The following SLC47A1 variants were observed in gnomAD, a reference collection of about 807,000 sequenced individuals.
SLC47A1 encodes the protein solute carrier family 47 member 1.
In SLC47A1, 58 loss-of-function variants were observed where a neutral mutation model predicts 65.8. That is an observed-to-expected ratio of 0.88 (90% confidence interval 0.71 to 1.10). The LOEUF (loss-of-function observed/expected upper bound fraction) is 1.10. Ranked by LOEUF, SLC47A1 falls within the 50% of genes least tolerant of loss-of-function variation. The pLI is 0.00. For missense variants in SLC47A1, 706 were observed against 719.2 expected, an observed-to-expected ratio of 0.98 and a Z score of 0.21; for synonymous variants, 285 against 295.0, an observed-to-expected ratio of 0.97 and a Z score of 0.35.
intron 15 of SLC47A1, 43 bp downstream of exon 15, chr17:19,571,615 A>G: frequency 6.8e-7 from 1 of 1,480,746 alleles, no homozygotes. Context: ...CCTCTCCTAG[A>G]AAAACAGGAT....
chr17:19,577,701 T>C lies in SLC47A1; in HGVS notation c.*148T>C. On this transcript the variant is annotated 3_prime_UTR_variant, in exon 17 of 17. Coordinates refer to ENST00000270570, the MANE Select transcript of SLC47A1 (RefSeq NM_018242.3). ...GGAAATGCAAAGACACATTTTTCTA[T>C]AAAAAGAAAAAGCAACTAAGGTTAA... 6.9e-7 allele frequency: 1 copy of C among 1,446,356 alleles called. No homozygotes were observed. Among genetic ancestry groups the C allele is most frequent in the Non-Finnish European group, 9.0e-7 (1 of 1,107,220 alleles). 89.6% of individuals were successfully genotyped at this position (1,446,356 alleles called of 1,614,324 possible).
At position 19,578,101 on chromosome 17, in the gene SLC47A1, A is replaced by T; in HGVS notation, c.*548A>T. On this transcript the variant is annotated 3_prime_UTR_variant, in exon 17 of 17. Transcript: ENST00000270570. ...GGGCTTCAAGCAATCCTCCTGTGTC[A>T]GCCACCAGAGTAGCTGAGACTACAG... 1 of 614,836 alleles carries T rather than the reference A, an allele frequency of 1.6e-6. No homozygotes were observed. Among genetic ancestry groups the T allele is most frequent in the South Asian group, 1.5e-5 (1 of 67,282 alleles). The allele number at this position is 614,836 out of a possible 1,614,324, so 38.1% of individuals were successfully genotyped here.
At chr17:19,575,799 C>G (rs1402399353) in intron 16 of SLC47A1, among the ~76,000 whole-genome samples, 2 of 152,100 alleles carry the variant, frequency 1.3e-5, no homozygotes, top group African/African-American at 4.8e-5. Context: ...TCCCCTTGCC[C>G]TCCGATGGTT....
At chr17:19,548,189 C>T in intron 4 of SLC47A1, 56 bp downstream of exon 4, 2 of 1,575,796 alleles carry the variant, frequency 1.3e-6, no homozygotes, top group Non-Finnish European at 1.7e-6. Context: ...AAAGATTATC[C>T]TGTCTGGGTG....
intron 5 of SLC47A1, among the ~76,000 whole-genome samples, chr17:19,550,482 A>G (rs1406183883): frequency 6.6e-6 from 1 of 151,984 alleles, no homozygotes; most frequent in Non-Finnish European, 1.5e-5. Flanking sequence ...CGCCCAGCTA[A>G]TTTTTGTATT....
intron 10 of SLC47A1, among the ~76,000 whole-genome samples, chr17:19,559,137 G>T (rs935583471): frequency 3.3e-5 from 5 of 152,204 alleles, no homozygotes; most frequent in Non-Finnish European, 7.3e-5. Flanking sequence ...AGCCCAATGA[G>T]ATAGGTTCTA....
rs1365055342 is a variant in SLC47A1 at position 19,577,311 on chromosome 17, TC to T, written c.1487-14del. The stretch of plus-strand genomic sequence containing the variant: ...AAAAATCCCTTTTAAGCTGCTAAGT[TC>T]CTTTTTCCTCCCAGGGTGCCCTGAA... On this transcript the variant is annotated splice_polypyrimidine_tract_variant and intron_variant, in intron 16 of 16. Coordinates refer to ENST00000270570, the MANE Select transcript of SLC47A1 (RefSeq NM_018242.3). The T allele has an allele frequency of 6.2e-7, 1 of 1,612,582 alleles. No individual in the cohort carries two copies. The highest frequency in any genetic ancestry group is 1.7e-5 in the Admixed American group (1 of 59,786).
chr17:19,566,031 C>T (rs966665502), intron 12 of SLC47A1, among the ~76,000 whole-genome samples: 1 of 152,138 alleles, frequency 6.6e-6, no homozygotes, highest in African/African-American at 2.4e-5. Flanking sequence ...GTGTGCTTTC[C>T]ACCCGCTAGT....
At chr17:19,543,131 A>G (rs957134098) in intron 2 of SLC47A1, among the ~76,000 whole-genome samples, 3 of 135,152 alleles carry the variant, frequency 2.2e-5, no homozygotes, top group African/African-American at 5.6e-5. Flanking sequence ...TTTTTTTCAG[A>G]CGGAGTCTTG....
chr17:19,546,580 A>G, intron 3 of SLC47A1, 77 bp downstream of exon 3: 1 of 1,420,928 alleles, frequency 7.0e-7, no homozygotes, highest in Non-Finnish European at 9.8e-7. Context: ...CTCCACTGGC[A>G]GGAAGAGTTC....
rs562942627 is a variant in SLC47A1, at chr17:19,542,385, C to T, written c.136-8C>T. 1 of 1,595,818 alleles carries T rather than the reference C, an allele frequency of 6.3e-7. No individual in the cohort carries two copies. The highest frequency in any genetic ancestry group is 8.5e-7 in the Non-Finnish European group (1 of 1,170,628). On this transcript the variant is annotated splice_polypyrimidine_tract_variant and splice_region_variant and intron_variant, in intron 1 of 16. Transcript: ENST00000270570. The stretch of plus-strand genomic sequence containing the variant: ...CTCACGTCCCTTCCCGTTCCCCTCT[C>T]TTCCCAGTTCTTGGTTCAGCTGATG...
At chr17:19,548,275 T>C (rs1429867654) in intron 4 of SLC47A1, 142 bp downstream of exon 4, 2 of 968,470 alleles carry the variant, frequency 2.1e-6, no homozygotes, top group East Asian at 5.3e-5. Context: ...TAGGTCTTAG[T>C]ACTTTCCACA....
chr17:19,555,482 C>T (rs1916575985), intron 7 of SLC47A1, 111 bp from the exon 8 acceptor site: 1 of 1,328,988 alleles, frequency 7.5e-7, no homozygotes, highest in African/African-American at 1.4e-5. Flanking sequence ...GGGAAGAAGA[C>T]CTTGGCCTGC....
At chr17:19,546,883 TG>T (rs2152313176) in intron 3 of SLC47A1, 1 of 192,488 alleles carries the variant, frequency 5.2e-6, no homozygotes, top group South Asian at 1.1e-4. Flanking sequence ...GGCTGGTAAA[TG>T]TTCAGCAACC....
At chr17:19,543,661 A>G (rs1304880696) in intron 2 of SLC47A1, among the ~76,000 whole-genome samples, 1 of 152,186 alleles carries the variant, frequency 6.6e-6, no homozygotes, top group Non-Finnish European at 1.5e-5. Flanking sequence ...AATAGATGCA[A>G]ACCCCCAAAA....
intron 5 of SLC47A1, 38 bp downstream of exon 5, chr17:19,549,715 T>A (rs890192658): frequency 6.2e-7 from 1 of 1,610,612 alleles, no homozygotes; most frequent in Non-Finnish European, 8.5e-7. Context: ...CTTCTTGGGG[T>A]CCGTGGGTGA....
rs1449540547 is a variant in SLC47A1, at chr17:19,572,852, C to T, written c.1477C>T (p.Leu493Phe). Residue 493 changes from leucine to phenylalanine, a missense_variant, in exon 16 of 17, where the codon CTT becomes TTT. Transcript: ENST00000270570. ...GAATTCTGCTCTCCCTCAGGATCCG[C>T]TTCACCCAGGTAAGATATGACTCCC... Reference protein sequence around the residue: ...SGNSALPQDPLHPGCPENLEG... With the variant: ...SGNSALPQDPFHPGCPENLEG... 1 of 1,614,130 alleles carries T rather than the reference C, an allele frequency of 6.2e-7. No homozygotes were observed. The highest frequency in any genetic ancestry group is 1.1e-5 in the South Asian group (1 of 91,082).
At chr17:19,551,916 T>C (rs1249029121) in intron 6 of SLC47A1, among the ~76,000 whole-genome samples, 1 of 152,248 alleles carries the variant, frequency 6.6e-6, no homozygotes, top group African/African-American at 2.4e-5. Flanking sequence ...ATTGAGGATG[T>C]AAGAGCTCAA....
At chr17:19,542,641 T>C in intron 2 of SLC47A1, 147 bp downstream of exon 2, 1 of 588,556 alleles carries the variant, frequency 1.7e-6, no homozygotes. Flanking sequence ...GAAGTGGGTT[T>C]CATGGCCTAA....
Sources: gnomAD v4.1 joint callset for allele counts (sites outside exome capture counted in the v4.1 genomes callset) on GRCh38, gnomAD v4.1.1 for gene constraint, MANE v1.5 for transcripts, NCBI Gene and HGNC (gene_info 2026-07-23, HGNC 2026-07-21) for gene names.